Variants in RYK observed in about 807,000 individuals in gnomAD.
The protein encoded by RYK is inactive tyrosine-protein kinase RYK.
Under a neutral mutation model 70.2 loss-of-function variants are expected in RYK, and 21 were observed. The ratio of observed to expected loss-of-function variants is 0.30; its 90% CI spans 0.21 to 0.43. The LOEUF (loss-of-function observed/expected upper bound fraction) is 0.43. Among genes scored for constraint, RYK ranks in the 20% least tolerant of loss-of-function variants. RYK has a pLI of 1.00. For synonymous variants in RYK, 267 were observed against 278.0 expected (o/e 0.96, Z 0.39); for missense variants, 604 against 753.3 (o/e 0.80, Z 2.32).
intron 13 of RYK, among the ~76,000 whole-genome samples, chr3:134,160,852 C>T (rs1307576415): frequency 6.6e-6 from 1 of 152,014 alleles, no homozygotes; most frequent in African/African-American, 2.4e-5. Context: ...GAGACTCTGT[C>T]TCAAAGAAAG....
chr3:134,180,097 ACAAGAACTGCCT>A (rs1560005340), intron 10 of RYK: 1 of 152,114 alleles, frequency 6.6e-6, no homozygotes, highest in Non-Finnish European at 1.5e-5. Flanking sequence ...GGGGCTTGGC[ACAAGAACTGCCT>A]CTAATTCTCA....
At chr3:134,215,561 T>C (rs368237492) in intron 2 of RYK, among the ~76,000 whole-genome samples, 17 of 152,352 alleles carry the variant, frequency 1.1e-4, no homozygotes, top group African/African-American at 3.1e-4. Flanking sequence ...AGAGAAGAAA[T>C]TGCCAATTAT....
intron 6 of RYK, 120 bp downstream of exon 6, chr3:134,202,610 G>T: frequency 1.4e-6 from 1 of 721,386 alleles, no homozygotes; most frequent in Non-Finnish European, 2.2e-6. Context: ...TTTTCCTTTG[G>T]CTGGGGCTTA....
intron 6 of RYK, among the ~76,000 whole-genome samples, chr3:134,199,115 A>C (rs1271669305): frequency 2.6e-5 from 4 of 152,248 alleles, no homozygotes; most frequent in Admixed American, 1.3e-4. Flanking sequence ...CAGGCGTAAC[A>C]AAGAGACTGA....
At chr3:134,186,314 T>C (rs1298292093) in intron 9 of RYK, among the ~76,000 whole-genome samples, 2 of 152,210 alleles carry the variant, frequency 1.3e-5, no homozygotes, top group Non-Finnish European at 1.5e-5. Flanking sequence ...AAAGCCAAAC[T>C]CCAATTTTCT....
chr3:134,189,985 T>C (rs1452797867), intron 8 of RYK, among the ~76,000 whole-genome samples: 1 of 152,150 alleles, frequency 6.6e-6, no homozygotes, highest in Admixed American at 6.5e-5. Flanking sequence ...AGCTTGCAAA[T>C]AGTTTCACTT....
chr3:134,178,051 CAT>C lies in RYK; in HGVS notation c.1193_1194del (p.His398ArgfsTer22), dbSNP rs1330697272. The C allele has an allele frequency of 2.5e-6, 4 of 1,583,816 alleles. No individual in the cohort carries two copies. The highest frequency in any genetic ancestry group is 3.4e-6 in the Non-Finnish European group (4 of 1,164,866). Reference sequence around the variant, plus strand: ...GGCTTTTCTCCTTCTTCTATACACACATGAGTAATAGGAAGAAGATTTCTATA... The same window carrying C: ...GGCTTTTCTCCTTCTTCTATACACACGAGTAATAGGAAGAAGATTTCTATA... Reference protein sequence around the residue: ...LHHRNLLPITHVCIEEGEKPM... With the variant: ...LHHRNLLPITXVCIEEGEKPM... On this transcript the variant is annotated frameshift_variant, in exon 11 of 15. Coordinates refer to ENST00000623711, the MANE Select transcript of RYK (RefSeq NM_002958.4). LOFTEE classifies it high-confidence loss of function.
intron 6 of RYK, 57 bp downstream of exon 6, chr3:134,202,673 C>T (rs2014062386): frequency 6.6e-7 from 1 of 1,516,366 alleles, no homozygotes. Context: ...TATGGGCTCC[C>T]ACATATATAC....
At chr3:134,194,201 C>T (rs2013740624) in intron 7 of RYK, among the ~76,000 whole-genome samples, 1 of 152,166 alleles carries the variant, frequency 6.6e-6, no homozygotes, top group Admixed American at 6.5e-5. Context: ...ATCTGGTTAA[C>T]CTGAAATACA....
chr3:134,187,806 T>G (rs887878062), intron 9 of RYK, among the ~76,000 whole-genome samples: 1 of 151,614 alleles, frequency 6.6e-6, no homozygotes, highest in African/African-American at 2.4e-5. Context: ...GCAATCCTCC[T>G]GCCTTAGCCT....
intron 2 of RYK, 74 bp from the exon 3 acceptor site, chr3:134,211,681 T>G: frequency 1.0e-6 from 1 of 963,010 alleles, no homozygotes; most frequent in Non-Finnish European, 1.6e-6. Flanking sequence ...ACTTCATTAA[T>G]TGGCTCATTA....
intron 6 of RYK, 32 bp downstream of exon 6, chr3:134,202,693 CTTTCA>C: frequency 1.3e-6 from 2 of 1,596,486 alleles, no homozygotes; most frequent in Non-Finnish European, 1.7e-6. Context: ...CAAATAACTG[CTTTCA>C]TTTTTTTTCT....
intron 5 of RYK, among the ~76,000 whole-genome samples, chr3:134,205,540 C>T (rs2014189234): frequency 6.6e-6 from 1 of 152,144 alleles, no homozygotes; most frequent in Non-Finnish European, 1.5e-5. Flanking sequence ...GCAGTACTGT[C>T]CAAGCACTTT....
intron 13 of RYK, among the ~76,000 whole-genome samples, chr3:134,168,807 C>T (rs1248786829): frequency 1.3e-5 from 2 of 151,908 alleles, no homozygotes; most frequent in Non-Finnish European, 2.9e-5. Flanking sequence ...AAGCATCCTC[C>T]GTAACTCTAG....
In RYK at chr3:134,250,720, C is replaced by T. The variant is rs1018075207; in HGVS notation, c.-66G>A. Reference sequence around the variant, plus strand: ...GCCGCACCGCCGCCCACCCCCGGCCCCGAGCCGCTCACAGCCCCGAGCCGG... The same window carrying T: ...GCCGCACCGCCGCCCACCCCCGGCCTCGAGCCGCTCACAGCCCCGAGCCGG... On this transcript the variant is annotated 5_prime_UTR_variant, in exon 1 of 15. Coordinates refer to ENST00000623711, the MANE Select transcript of RYK (RefSeq NM_002958.4). 3.6e-6 allele frequency: 3 copies of T among 826,408 alleles called. No homozygotes were observed. The highest frequency in any genetic ancestry group is 1.9e-5 in the African/African-American group (1 of 53,632). 51.2% of individuals were successfully genotyped at this position (826,408 alleles called of 1,614,324 possible). A position where few individuals can be genotyped will look rare whatever the true frequency, so the allele number is the denominator to read the frequency against.
At chr3:134,239,880 T>A (rs577032235) in intron 1 of RYK, among the ~76,000 whole-genome samples, 1 of 152,270 alleles carries the variant, frequency 6.6e-6, no homozygotes, top group South Asian at 2.1e-4. Flanking sequence ...GGAATTGACA[T>A]TTTAAGTTGA....
Position 134,183,065 on chromosome 3 carries a change from G to A in RYK, c.1109C>T (p.Ala370Val), listed in dbSNP as rs1478347859. The A allele has an allele frequency of 1.9e-6, 3 of 1,575,868 alleles. No homozygotes were observed. Among genetic ancestry groups the A allele is most frequent in the East Asian group, 2.3e-5 (1 of 43,552 alleles). The change falls in exon 10 of 15, where the codon GCT (alanine) becomes GTT (valine). Residue 370 changes from alanine (A) to valine (V), a missense_variant. By Grantham distance (64) the Ala-to-Val change is moderately conservative. Transcript: ENST00000623711. Reference sequence around the variant, plus strand: ...CATCATTGTCACCTGAATTTCAGAAGCTTGATCTATATATAAAGAAAAGAA... The same window carrying A: ...CATCATTGTCACCTGAATTTCAGAAACTTGATCTATATATAAAGAAAAGAA... ...QAFVKTVKDQ[A>V]SEIQVTMMLT...
intron 1 of RYK, among the ~76,000 whole-genome samples, chr3:134,234,197 C>A (rs1406632170): frequency 6.6e-6 from 1 of 151,892 alleles, no homozygotes; most frequent in Non-Finnish European, 1.5e-5. Context: ...AAAAATACAA[C>A]CAACTACTGT....
At chr3:134,227,789 C>T (rs1277663865) in intron 1 of RYK, among the ~76,000 whole-genome samples, 2 of 152,138 alleles carry the variant, frequency 1.3e-5, no homozygotes, top group African/African-American at 2.4e-5. Context: ...CCCGCCTCAG[C>T]CTCCCAAGTA....
Sources: allele counts gnomAD v4.1 joint callset (sites outside exome capture counted in the v4.1 genomes callset), GRCh38; gene constraint gnomAD v4.1.1; transcripts MANE v1.5; gene names NCBI Gene and HGNC (gene_info 2026-07-23, HGNC 2026-07-21).